Variants in SPTBN1 observed in about 807,000 individuals in gnomAD.
SPTBN1 encodes the protein spectrin beta chain, non-erythrocytic 1.
In SPTBN1, 32 loss-of-function variants were observed where a neutral mutation model predicts 266.4. That is an observed-to-expected ratio of 0.12 (90% CI 0.09 to 0.16). The LOEUF (loss-of-function observed/expected upper bound fraction) is 0.16. SPTBN1 is among the 10% of genes least tolerant of loss of function. The pLI, the probability that SPTBN1 is intolerant of heterozygous loss-of-function variation, is 1.00. For synonymous variants in SPTBN1, 1,336 were observed against 1,162.2 expected (o/e 1.15, Z -3.04); for missense variants, 2,296 against 3,067.1 (o/e 0.75, Z 5.94).
At chr2:54,581,181 AC>A (rs1388833569) in intron 2 of SPTBN1, among the ~76,000 whole-genome samples, 1 of 152,210 alleles carries the variant, frequency 6.6e-6, no homozygotes, top group Non-Finnish European at 1.5e-5. Context: ...GTTTTGAAAT[AC>A]ACGTGCATTG....
chr2:54,579,570 C>T (rs1437290129), intron 2 of SPTBN1, among the ~76,000 whole-genome samples: 2 of 152,222 alleles, frequency 1.3e-5, no homozygotes, highest in African/African-American at 4.8e-5. Flanking sequence ...CCTCACTGAG[C>T]TGAAGCACAT....
chr2:54,588,505 C>T (rs1234671053), intron 2 of SPTBN1, among the ~76,000 whole-genome samples: 1 of 152,124 alleles, frequency 6.6e-6, no homozygotes, highest in African/African-American at 2.4e-5. Flanking sequence ...TAAATGTGGG[C>T]TCTAATTCTG....
chr2:54,460,239 C>G (rs1250462253), intron 1 of SPTBN1, among the ~76,000 whole-genome samples: 1 of 152,170 alleles, frequency 6.6e-6, no homozygotes, highest in African/African-American at 2.4e-5. Context: ...AAAGGGACCT[C>G]AATATCAAAA....
intron 2 of SPTBN1, chr2:54,529,359 T>A (rs907464411): frequency 1.6e-6 from 1 of 619,182 alleles, no homozygotes; most frequent in Admixed American, 2.2e-5. Flanking sequence ...GCACCGAAAG[T>A]GAAGAAGGAA....
At chr2:54,625,112 A>AG (rs1678241096) in intron 11 of SPTBN1, 150 bp downstream of exon 11, 1 of 856,284 alleles carries the variant, frequency 1.2e-6, no homozygotes, top group Non-Finnish European at 1.7e-6. Context: ...TCCCATTAAG[A>AG]GGATGTTTAT....
chr2:54,468,123 A>G (rs941747521), intron 1 of SPTBN1, among the ~76,000 whole-genome samples: 2 of 152,090 alleles, frequency 1.3e-5, no homozygotes, highest in African/African-American at 2.4e-5. Context: ...CCTGGCCAAC[A>G]TAGTGAAACT....
At chr2:54,523,156 C>T (rs1466136934) in intron 1 of SPTBN1, among the ~76,000 whole-genome samples, 1 of 152,184 alleles carries the variant, frequency 6.6e-6, no homozygotes, top group Non-Finnish European at 1.5e-5. Context: ...GGGTTTATGA[C>T]TTTGAATGTT....
At chr2:54,469,254 G>A (rs139422126) in intron 1 of SPTBN1, among the ~76,000 whole-genome samples, 2 of 152,276 alleles carry the variant, frequency 1.3e-5, no homozygotes, top group East Asian at 3.9e-4. Flanking sequence ...GGGAAGAGGG[G>A]AGAAATATTT....
chr2:54,636,931 T>C (rs553296242), intron 17 of SPTBN1, among the ~76,000 whole-genome samples: 1 of 152,338 alleles, frequency 6.6e-6, no homozygotes, highest in South Asian at 2.1e-4. Context: ...AAGGCAATCC[T>C]TTGCTAGGCA....
chr2:54,566,467 C>T (rs1038178519), intron 2 of SPTBN1, among the ~76,000 whole-genome samples: 14 of 152,076 alleles, frequency 9.2e-5, no homozygotes, highest in Non-Finnish European at 2.9e-5. Context: ...GAATTATAAG[C>T]GTGAGCCACT....
At chr2:54,477,076 T>G (rs2103904850) in intron 1 of SPTBN1, among the ~76,000 whole-genome samples, 1 of 152,302 alleles carries the variant, frequency 6.6e-6, no homozygotes, top group Non-Finnish European at 1.5e-5. Flanking sequence ...GTAACAAGTT[T>G]TCTAGAAGTT....
At position 54,629,356 on chromosome 2, in the gene SPTBN1, A is replaced by C. The variant is rs766247389; in HGVS notation, c.2222A>C (p.Glu741Ala). Reference protein sequence around the residue: ...QLSAIRKKRLEEASLLHQFQA... With the variant: ...QLSAIRKKRLAEASLLHQFQA... ...TCGGCCATTCGGAAGAAGCGCCTGG[A>C]GGAGGCCTCCCTGCTGCACCAGTTC... The change falls in exon 14 of 36, where the codon GAG becomes GCG. Residue 741 changes from glutamate to alanine, a missense_variant. This residue lies in a region of SPTBN1 where 434 missense variants were observed against 573.9 expected (regional missense o/e 0.76). Coordinates refer to ENST00000356805, the MANE Select transcript of SPTBN1 (RefSeq NM_003128.3). 18 of 1,614,076 alleles carry C rather than the reference A, an allele frequency of 1.1e-5. No homozygotes were observed. The highest frequency in any genetic ancestry group is 1.4e-5 in the Non-Finnish European group (17 of 1,180,014).
intron 2 of SPTBN1, chr2:54,527,933 C>T (rs1159308173): frequency 6.6e-6 from 1 of 152,198 alleles, no homozygotes; most frequent in Admixed American, 6.5e-5. Flanking sequence ...TGGAATATAA[C>T]AGAAAAGAGG....
At chr2:54,507,246 T>G (rs567514597) in intron 1 of SPTBN1, among the ~76,000 whole-genome samples, 108 of 152,286 alleles carry the variant, frequency 7.1e-4, no homozygotes, top group Non-Finnish European at 1.2e-3. Flanking sequence ...GATGTATACG[T>G]GCAGGTCACT....
intron 2 of SPTBN1, among the ~76,000 whole-genome samples, chr2:54,580,048 T>C (rs1674778546): frequency 6.6e-6 from 1 of 152,208 alleles, no homozygotes; most frequent in African/African-American, 2.4e-5. Flanking sequence ...TTCATTTACG[T>C]TAAAGCCATA....
chr2:54,535,531 A>C (rs1321802614), intron 2 of SPTBN1, among the ~76,000 whole-genome samples: 2 of 152,206 alleles, frequency 1.3e-5, no homozygotes, highest in Non-Finnish European at 2.9e-5. Flanking sequence ...TCTTTCACTT[A>C]ACAAAACTTT....
chr2:54,567,690 A>C (rs1012154925), intron 2 of SPTBN1, among the ~76,000 whole-genome samples: 6 of 152,210 alleles, frequency 3.9e-5, no homozygotes, highest in African/African-American at 1.4e-4. Context: ...GATACCCACC[A>C]GGCAGCCTCT....
chr2:54,666,086 A>G lies in SPTBN1; in HGVS notation c.6831A>G (p.Leu2277=), dbSNP rs139347170. ...DYKKKKHVFK[L]RLNDGNEYLF... The stretch of plus-strand genomic sequence containing the variant: ...AAAAGAAGAAACACGTATTCAAGCT[A>G]AGGTGAGAGTCGCCGTGCTTCATGG... The change falls in exon 34 of 36, where the codon CTA becomes CTG. Residue 2277 remains leucine (L), a splice_region_variant and synonymous_variant. Transcript: ENST00000356805. 1.4e-4 allele frequency: 231 copies of G among 1,610,818 alleles called. No individual in the cohort carries two copies. In the African/African-American group the frequency reaches 1.8e-3, roughly 12 times the overall value.
At chr2:54,644,258 T>G in intron 19 of SPTBN1, 65 bp from the exon 20 acceptor site, 1 of 1,559,082 alleles carries the variant, frequency 6.4e-7, no homozygotes. Flanking sequence ...AGGTTTGTTT[T>G]TCACAGTGAC....
Sources: allele counts gnomAD v4.1 joint callset (sites outside exome capture counted in the v4.1 genomes callset), GRCh38; gene constraint gnomAD v4.1.1; regional missense constraint gnomAD v4.1.1; transcripts MANE v1.5; gene names NCBI Gene and HGNC (gene_info 2026-07-23, HGNC 2026-07-21).